The following GJA3 variants were observed in gnomAD, a reference collection of about 807,000 sequenced individuals.
The protein encoded by GJA3 is gap junction alpha-3 protein.
For missense variants in GJA3, 571 were observed against 620.3 expected (o/e 0.92, Z 0.84); for synonymous variants, 297 against 292.6 (o/e 1.02, Z -0.15).
rs143999554 is a variant in GJA3, at chr13:20,155,211, C to T, written c.-18+5679G>A. Among the ~76,000 whole-genome samples the T allele has an allele frequency of 2.9e-3, 435 of 152,210 alleles. 1 individual carries two copies. Among genetic ancestry groups the T allele is most frequent in the African/African-American group, 9.7e-3 (405 of 41,546 alleles). On this transcript the variant is annotated intron_variant, in intron 1 of 1. Coordinates refer to ENST00000241125, the MANE Select transcript of GJA3 (RefSeq NM_021954.4). ...ATTCAATTTGCTACTACTTTATTTTCGATTCTTATATGTTCATATTTAAGA... is the reference window on the plus strand; with the variant it reads ...ATTCAATTTGCTACTACTTTATTTTTGATTCTTATATGTTCATATTTAAGA...
At chr13:20,143,334 G>C (rs755282585) in intron 1 of GJA3, 29 bp from the exon 2 acceptor site, 1 of 1,450,160 alleles carries the variant, frequency 6.9e-7, no homozygotes, top group African/African-American at 1.4e-5. Context: ...CATGAACACC[G>C]GGCTGCAACG....
chr13:20,154,296 G>A (rs996831154), intron 1 of GJA3, among the ~76,000 whole-genome samples: 2 of 152,180 alleles, frequency 1.3e-5, no homozygotes, highest in Admixed American at 6.5e-5. Flanking sequence ...TGTCCCTGAA[G>A]TTCTCACACA....
intron 1 of GJA3, among the ~76,000 whole-genome samples, chr13:20,146,042 G>C (rs1319547540): frequency 6.6e-6 from 1 of 152,218 alleles, no homozygotes; most frequent in African/African-American, 2.4e-5. Context: ...CTGTCTACCG[G>C]CAGAGTAGCT....
chr13:20,143,099 C>T lies in GJA3; in HGVS notation c.190G>A (p.Val64Ile), dbSNP rs770766676. 8.1e-6 allele frequency: 13 copies of T among 1,613,952 alleles called. No homozygotes were observed. In the East Asian group the frequency reaches 1.1e-4, roughly 14 times the overall value. ...CNTQQPGCEN[V>I]CYDRAFPISH... Reference sequence around the variant, plus strand: ...ATGGGGAAGGCCCTGTCGTAGCAGACGTTCTCGCAGCCCGGCTGCTGGGTG... The same window carrying T: ...ATGGGGAAGGCCCTGTCGTAGCAGATGTTCTCGCAGCCCGGCTGCTGGGTG... Residue 64 changes from valine (V) to isoleucine (I), a missense_variant, in exon 2 of 2, where the codon GTC (valine) becomes ATC (isoleucine). By Grantham distance (29) the Val-to-Ile change is conservative. Transcript: ENST00000241125.
intron 1 of GJA3, among the ~76,000 whole-genome samples, chr13:20,151,426 G>T (rs1334576020): frequency 1.3e-5 from 2 of 152,192 alleles, no homozygotes; most frequent in Non-Finnish European, 1.5e-5. Flanking sequence ...CCAGCCCCAG[G>T]ACGGCGTAGA....
chr13:20,150,372 GGTGTGTGT>G (rs71816956), intron 1 of GJA3, among the ~76,000 whole-genome samples: 43 of 147,996 alleles, frequency 2.9e-4, no homozygotes, highest in African/African-American at 1.0e-3. Flanking sequence ...CACTGCTCCT[GGTGTGTGT>G]GTGTGTGTGT....
At chr13:20,147,626 T>C (rs959415778) in intron 1 of GJA3, among the ~76,000 whole-genome samples, 1 of 152,124 alleles carries the variant, frequency 6.6e-6, no homozygotes, top group Admixed American at 6.5e-5. Flanking sequence ...GAGAATGGGG[T>C]GATTTTTCTT....
intron 1 of GJA3, among the ~76,000 whole-genome samples, chr13:20,150,372 G>GGTGTGTGT (rs71816956): frequency 5.4e-5 from 8 of 147,998 alleles, no homozygotes; most frequent in African/African-American, 1.7e-4. Flanking sequence ...CACTGCTCCT[G>GGTGTGTGT]GTGTGTGTGT....
chr13:20,157,261 C>T (rs568749874), intron 1 of GJA3, among the ~76,000 whole-genome samples: 6 of 152,264 alleles, frequency 3.9e-5, no homozygotes, highest in South Asian at 2.1e-4. Context: ...AGCATAGCAG[C>T]GATCAGAACA....
intron 1 of GJA3, among the ~76,000 whole-genome samples, chr13:20,158,679 AGGTG>A (rs1007965324): frequency 2.6e-5 from 4 of 152,056 alleles, no homozygotes; most frequent in African/African-American, 9.7e-5. Flanking sequence ...TGGGAGGCTG[AGGTG>A]GGTGGATCAC....
In GJA3 at chr13:20,141,613, A is replaced by C; in HGVS notation, c.*368T>G. On this transcript the variant is annotated 3_prime_UTR_variant, in exon 2 of 2. Coordinates refer to ENST00000241125, the MANE Select transcript of GJA3 (RefSeq NM_021954.4). ...GGAGAGCTTAGGAATAGCAAACCCA[A>C]TTGCCCAGGAGCTAAAGGGACTGCA... 1 of 205,000 alleles carries C rather than the reference A, an allele frequency of 4.9e-6. No individual in the cohort carries two copies. Among genetic ancestry groups the C allele is most frequent in the Non-Finnish European group, 9.7e-6 (1 of 102,898 alleles). 12.7% of individuals were successfully genotyped at this position (205,000 alleles called of 1,614,324 possible). A position where few individuals can be genotyped will look rare whatever the true frequency, so the allele number is the denominator to read the frequency against.
rs750352233 is a variant in GJA3, at chr13:20,142,968, TTTC to T, written c.318_320del (p.Lys107del). The T allele has an allele frequency of 3.7e-5, 58 of 1,584,636 alleles. No homozygotes were observed. The highest frequency in any genetic ancestry group is 4.7e-5 in the Non-Finnish European group (55 of 1,165,446). On this transcript the variant is annotated inframe_deletion, in exon 2 of 2. Coordinates refer to ENST00000241125, the MANE Select transcript of GJA3 (RefSeq NM_021954.4). ...TCAGCTGCTCCTCCTCCTCCCTCTCTTTCTTCTTCTCTTCCATGCGCACGATGT... is the reference window on the plus strand; with the variant it reads ...TCAGCTGCTCCTCCTCCTCCCTCTCTTTCTTCTCTTCCATGCGCACGATGT...
chr13:20,156,646 A>C (rs1264663462), intron 1 of GJA3, among the ~76,000 whole-genome samples: 2 of 152,226 alleles, frequency 1.3e-5, no homozygotes, highest in African/African-American at 4.8e-5. Context: ...GAAGTAATTA[A>C]AACAGCTGTG....
At position 20,141,803 on chromosome 13, in the gene GJA3, G is replaced by T; in HGVS notation, c.*178C>A. 1 of 935,338 alleles carries T rather than the reference G, an allele frequency of 1.1e-6. No homozygotes were observed. Among genetic ancestry groups the T allele is most frequent in the Non-Finnish European group, 1.6e-6 (1 of 633,268 alleles). 57.9% of individuals were successfully genotyped at this position (935,338 alleles called of 1,614,324 possible). A position where few individuals can be genotyped will look rare whatever the true frequency, so the allele number is the denominator to read the frequency against. ...TCCCCACTGTAACTCACAGTGCTAAGAACAGCAAGCATTGAACACGGAAAC... is the reference window on the plus strand; with the variant it reads ...TCCCCACTGTAACTCACAGTGCTAATAACAGCAAGCATTGAACACGGAAAC... On this transcript the variant is annotated 3_prime_UTR_variant, in exon 2 of 2. Coordinates refer to ENST00000241125, the MANE Select transcript of GJA3 (RefSeq NM_021954.4).
In GJA3 at chr13:20,143,094, G is replaced by A; in HGVS notation, c.195C>T (p.Cys65=). The change falls in exon 2 of 2, where the codon TGC becomes TGT. Residue 65 remains cysteine, a synonymous_variant. Coordinates refer to ENST00000241125, the MANE Select transcript of GJA3 (RefSeq NM_021954.4). ...NTQQPGCENV[C]YDRAFPISHI... ...GGGAGATGGGGAAGGCCCTGTCGTA[G>A]CAGACGTTCTCGCAGCCCGGCTGCT... 1 of 1,613,978 alleles carries A rather than the reference G, an allele frequency of 6.2e-7. No homozygotes were observed.
intron 1 of GJA3, among the ~76,000 whole-genome samples, chr13:20,158,092 C>A (rs1243710950): frequency 6.6e-6 from 1 of 152,150 alleles, no homozygotes; most frequent in Non-Finnish European, 1.5e-5. Flanking sequence ...CCTGCCTCAG[C>A]CTCCCAAAAA....
chr13:20,158,912 C>CAAAAAAAAAAAAAAAAAAAAAAAACAAA (rs1159654355), intron 1 of GJA3, among the ~76,000 whole-genome samples: 1 of 54,980 alleles, frequency 1.8e-5, no homozygotes, highest in Admixed American at 2.6e-4. Flanking sequence ...GCAAAACTCT[C>CAAAAAAAAAAAAAAAAAAAAAAAACAAA]AAAAAAAAAA....
At chr13:20,161,399 C>T (rs879937449), upstream of GJA3, among the ~76,000 whole-genome samples, 39 of 152,152 alleles carry the variant, frequency 2.6e-4, no homozygotes, top group Admixed American at 7.2e-4. Flanking sequence ...GGGGCGCCCA[C>T]CGCACGCAGA....
chr13:20,142,362 G>T lies in GJA3; in HGVS notation c.927C>A (p.Gly309=). ...LLALTEARGK[G]QSAKLYNGHH... is the part of the protein sequence containing the mutation. ...GGCCGTTGTAGAGCTTGGCGGACTGGCCCTTTCCGCGCGCCTCGGTCAGGG... is the reference window on the plus strand; with the variant it reads ...GGCCGTTGTAGAGCTTGGCGGACTGTCCCTTTCCGCGCGCCTCGGTCAGGG... Residue 309 remains glycine (G), a synonymous_variant, in exon 2 of 2, where the codon GGC becomes GGA. Coordinates refer to ENST00000241125, the MANE Select transcript of GJA3 (RefSeq NM_021954.4). 6.5e-7 allele frequency: 1 copy of T among 1,536,154 alleles called. No homozygotes were observed. Among genetic ancestry groups the T allele is most frequent in the Non-Finnish European group, 8.8e-7 (1 of 1,142,058 alleles).
Sources: gnomAD v4.1 joint callset for allele counts (sites outside exome capture counted in the v4.1 genomes callset) on GRCh38, gnomAD v4.1.1 for gene constraint, MANE v1.5 for transcripts, NCBI Gene and HGNC (gene_info 2026-07-23, HGNC 2026-07-21) for gene names.